The following PRKCE variants were observed in gnomAD, a reference collection of about 807,000 sequenced individuals.
PRKCE encodes the protein protein kinase C epsilon type.
In PRKCE, 16 loss-of-function variants were observed where a neutral mutation model predicts 85.4. That is an observed-to-expected ratio of 0.19 (90% CI 0.13 to 0.28). The LOEUF (loss-of-function observed/expected upper bound fraction) is 0.28. PRKCE is among the 10% of genes least tolerant of loss of function. PRKCE has a pLI of 1.00. For missense variants in PRKCE, 573 were observed against 975.2 expected (o/e 0.59, Z 5.49); for synonymous variants, 388 against 371.5 (o/e 1.04, Z -0.51).
Position 45,871,015 on chromosome 2 carries a change from T to A in PRKCE, c.412+27952T>A, listed in dbSNP as rs142021101. Among the ~76,000 whole-genome samples the A allele has an allele frequency of 2.3e-3, 349 of 152,286 alleles. 3 individuals carry two copies. The highest frequency in any genetic ancestry group is 8.3e-3 in the African/African-American group (343 of 41,540). On this transcript the variant is annotated intron_variant, in intron 2 of 14. Coordinates refer to ENST00000306156, the MANE Select transcript of PRKCE (RefSeq NM_005400.3). The stretch of plus-strand genomic sequence containing the variant: ...TTTTGGGGCAAACAGCGGGGCCTGG[T>A]TGTCAGGGATGTAGTGGAAGAGACC...
At chr2:45,653,916 G>C (rs1156575952) in intron 1 of PRKCE, among the ~76,000 whole-genome samples, 2 of 152,198 alleles carry the variant, frequency 1.3e-5, no homozygotes, top group African/African-American at 4.8e-5. Flanking sequence ...CCCCACAACA[G>C]AGCTCCCACT....
chr2:45,701,449 G>A (rs1255281927), intron 1 of PRKCE: 2 of 152,174 alleles, frequency 1.3e-5, no homozygotes, highest in South Asian at 2.1e-4. Flanking sequence ...CCTATGATGA[G>A]GTCTCCAGCC....
intron 2 of PRKCE, among the ~76,000 whole-genome samples, chr2:45,949,402 G>GTTTTTTTTTTTTTTTTTTTTGT (rs35033431): frequency 8.4e-6 from 1 of 118,746 alleles, no homozygotes; most frequent in Non-Finnish European, 1.7e-5. Flanking sequence ...TATTTTGCTT[G>GTTTTTTTTTTTTTTTTTTTTGT]TTTTTTTTTT....
At chr2:46,016,772 G>C (rs569533979) in intron 10 of PRKCE, among the ~76,000 whole-genome samples, 1 of 151,798 alleles carries the variant, frequency 6.6e-6, no homozygotes, top group Non-Finnish European at 1.5e-5. Flanking sequence ...ATCCGGACAC[G>C]GTGGCGGGCA....
chr2:45,831,633 C>T (rs576350464), intron 1 of PRKCE, among the ~76,000 whole-genome samples: 3 of 152,262 alleles, frequency 2.0e-5, no homozygotes, highest in Admixed American at 1.3e-4. Context: ...AAACTGAATC[C>T]TCTTCTATCA....
At position 45,905,232 on chromosome 2, in the gene PRKCE, C is replaced by G. The variant is rs1246244458; in HGVS notation, c.412+62169C>G. 6.6e-6 allele frequency among the ~76,000 whole-genome samples: 1 copy of G among 152,234 alleles called. No homozygotes were observed. The highest frequency in any genetic ancestry group is 2.4e-5 in the African/African-American group (1 of 41,458). ...TGGCCAAGCCTCAGGAACCTCTTGGCTGGCTCTCCAACATAGCCCACGCTA... is the reference window on the plus strand; with the variant it reads ...TGGCCAAGCCTCAGGAACCTCTTGGGTGGCTCTCCAACATAGCCCACGCTA... On this transcript the variant is annotated intron_variant, in intron 2 of 14. Coordinates refer to ENST00000306156, the MANE Select transcript of PRKCE (RefSeq NM_005400.3). This position sits in a 1 kb window ranked among gnomAD's most constrained non-coding sequence, Gnocchi z 4.4.
At chr2:46,127,168 G>C (rs549363234) in intron 11 of PRKCE, among the ~76,000 whole-genome samples, 1 of 152,270 alleles carries the variant, frequency 6.6e-6, no homozygotes, top group South Asian at 2.1e-4. Context: ...TTCCAGGTTT[G>C]TTCAGTTCAA....
At chr2:45,861,194 G>A (rs1265877799) in intron 2 of PRKCE, among the ~76,000 whole-genome samples, 8 of 152,150 alleles carry the variant, frequency 5.3e-5, no homozygotes, top group Non-Finnish European at 1.2e-4. Flanking sequence ...TTCGTGCTGG[G>A]GCTGGTATTA....
intron 2 of PRKCE, among the ~76,000 whole-genome samples, chr2:45,887,732 T>TC (rs1429217833): frequency 6.6e-6 from 1 of 152,238 alleles, no homozygotes; most frequent in African/African-American, 2.4e-5. Context: ...ACAAAGTTGG[T>TC]ACCTGGATGC....
intron 5 of PRKCE, among the ~76,000 whole-genome samples, chr2:45,983,810 C>G (rs970103681): frequency 6.6e-6 from 1 of 152,152 alleles, no homozygotes; most frequent in Non-Finnish European, 1.5e-5. Context: ...TCTGACTGAT[C>G]CACAGTTTCC....
At chr2:45,794,319 A>G (rs1180626712) in intron 1 of PRKCE, among the ~76,000 whole-genome samples, 3 of 152,132 alleles carry the variant, frequency 2.0e-5, no homozygotes, top group Non-Finnish European at 4.4e-5. Flanking sequence ...GGAGTGGCGC[A>G]CTCTGGGCTG....
intron 1 of PRKCE, among the ~76,000 whole-genome samples, chr2:45,679,562 T>C (rs563133832): frequency 1.3e-5 from 2 of 152,106 alleles, no homozygotes; most frequent in East Asian, 1.9e-4. Flanking sequence ...TCTAAGGAGG[T>C]CAAGCTCATG....
In PRKCE at chr2:46,155,108, AAACGGAGACCC is replaced by A. The variant is rs1361729263; in HGVS notation, c.1920+3880_1920+3890del. On this transcript the variant is annotated intron_variant, in intron 13 of 14. Transcript: ENST00000306156. This position sits in a 1 kb window ranked among gnomAD's most constrained non-coding sequence, Gnocchi z 4.7. ...TGAACAGGACTGGGTGGGGCAGGGT[AAACGGAGACCC>A]CTCATGATCCCCCAGCAGCAACGAG... 1.4e-4 allele frequency among the ~76,000 whole-genome samples: 22 copies of A among 152,342 alleles called. 1 individual carries two copies. In the East Asian group the frequency reaches 3.7e-3, roughly 25 times the overall value.
intron 1 of PRKCE, among the ~76,000 whole-genome samples, chr2:45,749,580 A>G (rs115049271): frequency 1.3e-5 from 2 of 152,368 alleles, no homozygotes; most frequent in South Asian, 2.1e-4. Context: ...CAATCATACA[A>G]TGTGGATTGC....
At chr2:46,040,116 C>T (rs1415628781) in intron 10 of PRKCE, among the ~76,000 whole-genome samples, 1 of 152,184 alleles carries the variant, frequency 6.6e-6, no homozygotes, top group Admixed American at 6.5e-5. Flanking sequence ...GGCCTGTTTG[C>T]CTCTCTGAAT....
At chr2:45,938,902 C>T (rs569615760) in intron 2 of PRKCE, among the ~76,000 whole-genome samples, 13 of 152,264 alleles carry the variant, frequency 8.5e-5, no homozygotes, top group African/African-American at 3.1e-4. Flanking sequence ...ATGGTGGGCA[C>T]CTCATTCGTA....
chr2:45,817,303 A>C, intron 1 of PRKCE, among the ~76,000 whole-genome samples: 1 of 152,140 alleles, frequency 6.6e-6, no homozygotes, highest in Admixed American at 6.5e-5. Flanking sequence ...CTTTATCTAT[A>C]TTTTTAGAAG....
intron 12 of PRKCE, among the ~76,000 whole-genome samples, chr2:46,147,695 G>C (rs1453602330): frequency 6.6e-6 from 1 of 152,238 alleles, no homozygotes; most frequent in Non-Finnish European, 1.5e-5. Context: ...GATTAAATGA[G>C]ATTATGCCTC....
rs568675551 is a variant in PRKCE, at chr2:46,169,158, A to G, written c.2067+9406A>G. Among the ~76,000 whole-genome samples, 3 of 152,252 alleles carry G rather than the reference A, an allele frequency of 2.0e-5. No individual in the cohort carries two copies. In the East Asian group the frequency reaches 5.8e-4, roughly 29 times the overall value. ...GGACCTTTGATCTCCAGAGGCATAT[A>G]TGTCATGGAGAAGAGACACTCTGGG... On this transcript the variant is annotated intron_variant, in intron 14 of 14. Coordinates refer to ENST00000306156, the MANE Select transcript of PRKCE (RefSeq NM_005400.3).
Sources: allele counts gnomAD v4.1 joint callset (sites outside exome capture counted in the v4.1 genomes callset), GRCh38; gene constraint gnomAD v4.1.1; non-coding constraint Gnocchi (gnomAD v3.1); transcripts MANE v1.5; gene names NCBI Gene and HGNC (gene_info 2026-07-23, HGNC 2026-07-21).